Variants in NELL1 observed in about 807,000 individuals in gnomAD.
The protein encoded by NELL1 is protein kinase C-binding protein NELL1.
NELL1 carries 76 observed loss-of-function variants against 107.4 expected under a neutral mutation model. The observed-to-expected ratio is 0.71, with a 90% CI of 0.59 to 0.86. The LOEUF (loss-of-function observed/expected upper bound fraction) is 0.86, where lower values mean the gene tolerates loss of function less well. Among genes scored for constraint, NELL1 ranks in the 40% least tolerant of loss-of-function variants. The pLI is 0.00. For missense variants in NELL1, 1,024 were observed against 1,005.5 expected (o/e 1.02, Z -0.25); for synonymous variants, 353 against 341.2 (o/e 1.03, Z -0.38).
intron 15 of NELL1, among the ~76,000 whole-genome samples, chr11:21,383,102 T>C (rs1344309604): frequency 6.6e-6 from 1 of 152,000 alleles, no homozygotes; most frequent in East Asian, 1.9e-4. Context: ...TCAGAAGGAA[T>C]GTAACTCTTA....
intron 5 of NELL1, among the ~76,000 whole-genome samples, chr11:20,901,714 C>T (rs1229044324): frequency 6.6e-6 from 1 of 151,658 alleles, no homozygotes; most frequent in Non-Finnish European, 1.5e-5. Context: ...TTATAGCAAT[C>T]AGCAGAGTGT....
chr11:20,759,101 C>A (rs922914414), intron 2 of NELL1, among the ~76,000 whole-genome samples: 1 of 152,176 alleles, frequency 6.6e-6, no homozygotes, highest in Non-Finnish European at 1.5e-5. Flanking sequence ...GTAGCTAAGT[C>A]CCAAATGTGG....
intron 14 of NELL1, among the ~76,000 whole-genome samples, chr11:21,266,431 T>G (rs1848638024): frequency 6.6e-6 from 1 of 152,110 alleles, no homozygotes; most frequent in South Asian, 2.1e-4. Flanking sequence ...CATTTGGCTC[T>G]GCAGCTCATG....
chr11:20,840,086 A>G (rs1030138440), intron 3 of NELL1, among the ~76,000 whole-genome samples: 1 of 152,206 alleles, frequency 6.6e-6, no homozygotes, highest in Admixed American at 6.5e-5. Context: ...AAAACCATGT[A>G]TTTTAAAACA....
At chr11:20,880,565 T>C (rs1487753022) in intron 4 of NELL1, among the ~76,000 whole-genome samples, 1 of 152,242 alleles carries the variant, frequency 6.6e-6, no homozygotes, top group African/African-American at 2.4e-5. Context: ...TTGTTTTTGC[T>C]ACACCACACT....
chr11:21,067,234 C>CATA (rs1295656414), intron 12 of NELL1, among the ~76,000 whole-genome samples: 3 of 152,238 alleles, frequency 2.0e-5, no homozygotes, highest in Admixed American at 2.0e-4. Flanking sequence ...AACTTTTAAA[C>CATA]ATAAGAGTTC....
intron 15 of NELL1, among the ~76,000 whole-genome samples, chr11:21,486,591 A>G (rs1369270421): frequency 6.6e-6 from 1 of 152,170 alleles, no homozygotes; most frequent in Non-Finnish European, 1.5e-5. Context: ...TGACACTTGG[A>G]AAGAGACACA....
At chr11:20,718,225 T>G (rs1855298647) in intron 2 of NELL1, among the ~76,000 whole-genome samples, 1 of 152,328 alleles carries the variant, frequency 6.6e-6, no homozygotes, top group South Asian at 2.1e-4. Context: ...TACCCAATCC[T>G]ATAGTCACAA....
chr11:21,553,211 T>C (rs1333146190), intron 16 of NELL1, among the ~76,000 whole-genome samples: 1 of 151,818 alleles, frequency 6.6e-6, no homozygotes, highest in Non-Finnish European at 1.5e-5. Context: ...TCTGTCAAAA[T>C]AGAGAGTTAG....
At chr11:21,368,176 G>A (rs977234237) in intron 14 of NELL1, among the ~76,000 whole-genome samples, 6 of 151,876 alleles carry the variant, frequency 4.0e-5, no homozygotes, top group African/African-American at 1.5e-4. Flanking sequence ...ATTGTCTAAG[G>A]TTCAACTAGG....
intron 14 of NELL1, among the ~76,000 whole-genome samples, chr11:21,345,038 T>C (rs1419285155): frequency 6.6e-6 from 1 of 152,128 alleles, no homozygotes; most frequent in Non-Finnish European, 1.5e-5. Context: ...TGGCTCAGAG[T>C]TAACACTGGG....
intron 14 of NELL1, among the ~76,000 whole-genome samples, chr11:21,261,236 G>A (rs552398926): frequency 2.1e-3 from 310 of 151,130 alleles, no homozygotes; most frequent in Non-Finnish European, 3.6e-3. Context: ...ACAAGTGCAG[G>A]TTTGTTGCAT....
intron 2 of NELL1, among the ~76,000 whole-genome samples, chr11:20,755,564 T>TTTTTTTTTA: frequency 1.1e-5 from 1 of 91,988 alleles, no homozygotes; most frequent in Admixed American, 1.2e-4. Flanking sequence ...TTGTTTTTGT[T>TTTTTTTTTA]TTTTTTTTTT....
intron 15 of NELL1, among the ~76,000 whole-genome samples, chr11:21,473,924 T>A (rs1291153469): frequency 6.6e-6 from 1 of 152,060 alleles, no homozygotes; most frequent in East Asian, 1.9e-4. Flanking sequence ...TCAGATAATC[T>A]AAAATAATGT....
chr11:21,560,858 C>T (rs1167296336), intron 17 of NELL1, among the ~76,000 whole-genome samples: 1 of 151,648 alleles, frequency 6.6e-6, no homozygotes, highest in Non-Finnish European at 1.5e-5. Flanking sequence ...TCATTTTGAA[C>T]AAATGATAAT....
chr11:21,361,259 A>ATTT (rs59239329), intron 14 of NELL1, among the ~76,000 whole-genome samples: 2 of 113,576 alleles, frequency 1.8e-5, no homozygotes, highest in African/African-American at 6.8e-5. Flanking sequence ...TTGTGTGACA[A>ATTT]TTTTTTTTTT....
intron 5 of NELL1, among the ~76,000 whole-genome samples, chr11:20,917,068 T>C (rs555340166): frequency 2.0e-5 from 3 of 151,962 alleles, no homozygotes; most frequent in Non-Finnish European, 2.9e-5. Flanking sequence ...AAAGACTGAG[T>C]AATCTCATCC....
rs1293375909 is a variant in NELL1 at position 21,082,171 on chromosome 11, G to T, written c.1301-31418G>T. On this transcript the variant is annotated intron_variant, in intron 12 of 19. Coordinates refer to ENST00000357134, the MANE Select transcript of NELL1 (RefSeq NM_006157.5). Reference sequence around the variant, plus strand: ...GGCATCAAAGGGAGTCTTGGTTTAGGCAGCTGAATTAGGACATGCTTGTTG... The same window carrying T: ...GGCATCAAAGGGAGTCTTGGTTTAGTCAGCTGAATTAGGACATGCTTGTTG... Among the ~76,000 whole-genome samples, 4 of 152,064 alleles carry T rather than the reference G, an allele frequency of 2.6e-5. No homozygotes were observed. The East Asian group carries it at 7.7e-4, about 29-fold the overall frequency.
intron 12 of NELL1, among the ~76,000 whole-genome samples, chr11:20,985,759 A>T (rs1457434646): frequency 1.3e-5 from 2 of 152,210 alleles, no homozygotes; most frequent in Non-Finnish European, 2.9e-5. Flanking sequence ...GAGAATTTTT[A>T]TCTGAATTTC....
Sources: gnomAD v4.1 joint callset for allele counts (sites outside exome capture counted in the v4.1 genomes callset) on GRCh38, gnomAD v4.1.1 for gene constraint, MANE v1.5 for transcripts, NCBI Gene and HGNC (gene_info 2026-07-23, HGNC 2026-07-21) for gene names.